The following RORA variants were observed in gnomAD, a reference collection of about 807,000 sequenced individuals.
The protein encoded by RORA is RAR related orphan receptor A.
RORA carries 7 observed loss-of-function variants against 69.5 expected under a neutral mutation model. The ratio of observed to expected loss-of-function variants is 0.10; its 90% confidence interval spans 0.06 to 0.19. RORA has a LOEUF of 0.19. RORA is among the 10% of genes least tolerant of loss of function. The probability of loss-of-function intolerance (pLI) is 1.00; values close to 1 mark genes in which losing one functional copy is unlikely to be tolerated. For synonymous variants in RORA, 261 were observed against 240.8 expected (o/e 1.08, Z -0.78); for missense variants, 457 against 663.0 (o/e 0.69, Z 3.41).
At chr15:61,119,316 G>C (rs1054783788) in intron 1 of RORA, among the ~76,000 whole-genome samples, 3 of 151,634 alleles carry the variant, frequency 2.0e-5, no homozygotes, top group African/African-American at 7.3e-5. Flanking sequence ...TCCCACATCA[G>C]CCTCCTGAGT....
intron 1 of RORA, among the ~76,000 whole-genome samples, chr15:60,694,928 A>T (rs983588386): frequency 1.3e-5 from 2 of 152,328 alleles, no homozygotes; most frequent in Admixed American, 1.3e-4. Context: ...ACAACGTATG[A>T]ACAATTTGAT....
intron 2 of RORA, among the ~76,000 whole-genome samples, chr15:60,661,095 T>C (rs2070297291): frequency 2.2e-5 from 3 of 136,818 alleles, no homozygotes; most frequent in African/African-American, 8.0e-5. Flanking sequence ...TTTTTTTTTT[T>C]CAGGAAAAAA....
chr15:60,794,911 C>T (rs1283379579), intron 1 of RORA, among the ~76,000 whole-genome samples: 1 of 152,164 alleles, frequency 6.6e-6, no homozygotes, highest in Admixed American at 6.5e-5. Flanking sequence ...TTCAACCACA[C>T]AAATGTGGAA....
At chr15:61,031,076 A>G (rs1896145218) in intron 1 of RORA, among the ~76,000 whole-genome samples, 1 of 152,308 alleles carries the variant, frequency 6.6e-6, no homozygotes, top group East Asian at 1.9e-4. Context: ...ACTAAACTGA[A>G]TTTATTTACA....
At chr15:60,790,520 G>T (rs1282244666) in intron 1 of RORA, among the ~76,000 whole-genome samples, 1 of 152,198 alleles carries the variant, frequency 6.6e-6, no homozygotes, top group Non-Finnish European at 1.5e-5. Context: ...GACAGAGAAT[G>T]GAAACTGCAA....
chr15:60,791,938 A>G (rs1237868839), intron 1 of RORA, among the ~76,000 whole-genome samples: 4 of 152,184 alleles, frequency 2.6e-5, no homozygotes. Flanking sequence ...AATGTAACAC[A>G]TAAGAAAAAA....
At chr15:61,072,458 G>A (rs2078381178) in intron 1 of RORA, among the ~76,000 whole-genome samples, 1 of 152,204 alleles carries the variant, frequency 6.6e-6, no homozygotes, top group Non-Finnish European at 1.5e-5. Context: ...GAGTGCAGAA[G>A]TTATAACTCT....
intron 1 of RORA, among the ~76,000 whole-genome samples, chr15:60,784,048 G>T (rs1017209850): frequency 1.3e-5 from 2 of 152,198 alleles, no homozygotes; most frequent in Non-Finnish European, 2.9e-5. Flanking sequence ...GTATGGGCAG[G>T]CCCATGCTTT....
At chr15:60,641,620 G>A (rs977382703) in intron 2 of RORA, among the ~76,000 whole-genome samples, 24 of 150,122 alleles carry the variant, frequency 1.6e-4, no homozygotes, top group African/African-American at 4.6e-4. Flanking sequence ...CATGTTGGCC[G>A]GGCTGGTCTC....
intron 1 of RORA, among the ~76,000 whole-genome samples, chr15:61,119,086 G>C (rs111268426): frequency 1.1e-4 from 16 of 145,768 alleles, no homozygotes; most frequent in African/African-American, 4.1e-4. Flanking sequence ...ACAGAAGGGG[G>C]GGGGGGGCGC....
intron 1 of RORA, among the ~76,000 whole-genome samples, chr15:60,684,678 G>A (rs1360715016): frequency 4.3e-4 from 66 of 152,108 alleles, no homozygotes; most frequent in Admixed American, 4.3e-3. Flanking sequence ...TTAAAAATAT[G>A]TCAATATTTT....
At chr15:60,793,808 G>T (rs1400572766) in intron 1 of RORA, among the ~76,000 whole-genome samples, 1 of 152,146 alleles carries the variant, frequency 6.6e-6, no homozygotes, top group African/African-American at 2.4e-5. Context: ...AGGCTTACTG[G>T]CCACCAAATC....
chr15:60,802,296 C>T (rs533120716), intron 1 of RORA, among the ~76,000 whole-genome samples: 23 of 152,242 alleles, frequency 1.5e-4, no homozygotes, highest in South Asian at 1.0e-3. Context: ...ATATGCAGAC[C>T]GAGTGTTTGG....
chr15:60,976,489 T>G (rs1566930774), intron 1 of RORA, among the ~76,000 whole-genome samples: 1 of 152,154 alleles, frequency 6.6e-6, no homozygotes, highest in Non-Finnish European at 1.5e-5. Flanking sequence ...CCACTCCTTC[T>G]GCTTGTCTGG....
In RORA at chr15:61,011,540, C is replaced by T. The variant is rs533802658; in HGVS notation, c.166+217513G>A. Among the ~76,000 whole-genome samples the T allele has an allele frequency of 6.6e-5, 10 of 152,138 alleles. No homozygotes were observed. In the East Asian group the frequency reaches 1.2e-3, roughly 18 times the overall value. ...GTAATCCAAAGAGGAAACACAGTGC[C>T]GTTTCCTTTGATTTTCTCAAGGGAG... On this transcript the variant is annotated intron_variant, in intron 1 of 10. Coordinates refer to ENST00000335670, the MANE Select transcript of RORA (RefSeq NM_134261.3).
chr15:60,680,518 C>T (rs1012510959), intron 1 of RORA, among the ~76,000 whole-genome samples: 3 of 151,950 alleles, frequency 2.0e-5, no homozygotes, highest in East Asian at 1.9e-4. Context: ...TCTCGGAGGT[C>T]GCAGTAGCTG....
chr15:61,172,687 C>T (rs765328140), intron 1 of RORA, among the ~76,000 whole-genome samples: 1 of 152,182 alleles, frequency 6.6e-6, no homozygotes, highest in South Asian at 2.1e-4. Context: ...ATGGGAAAAT[C>T]GCCCAAAGTA....
intron 1 of RORA, among the ~76,000 whole-genome samples, chr15:60,728,303 C>T (rs1001639413): frequency 1.3e-5 from 2 of 152,290 alleles, no homozygotes; most frequent in Middle Eastern, 3.4e-3. Context: ...CAAATATTCT[C>T]TTACCGTTCA....
At chr15:60,979,886 T>C (rs936244735) in intron 1 of RORA, among the ~76,000 whole-genome samples, 16 of 152,130 alleles carry the variant, frequency 1.1e-4, no homozygotes, top group African/African-American at 3.4e-4. Flanking sequence ...TCTCATCTAA[T>C]TGCCCTGGCT....
Sources: gnomAD v4.1 joint callset for allele counts (sites outside exome capture counted in the v4.1 genomes callset) on GRCh38, gnomAD v4.1.1 for gene constraint, MANE v1.5 for transcripts, NCBI Gene and HGNC (gene_info 2026-07-23, HGNC 2026-07-21) for gene names.